The following FOXP1 variants were observed in gnomAD, a reference collection of about 807,000 sequenced individuals.
The protein encoded by FOXP1 is forkhead box P1, also known as forkhead box protein P1.
In FOXP1, 15 loss-of-function variants were observed where a neutral mutation model predicts 98.2. That is an observed-to-expected ratio of 0.15 (90% CI 0.10 to 0.24). FOXP1 has a LOEUF of 0.24. FOXP1 is among the 10% of genes least tolerant of loss of function. FOXP1 has a pLI of 1.00. For synonymous variants in FOXP1, 371 were observed against 314.5 expected (o/e 1.18, Z -1.90); for missense variants, 633 against 848.5 (o/e 0.75, Z 3.15).
chr3:71,031,368 T>A (rs1413807573), intron 11 of FOXP1, among the ~76,000 whole-genome samples: 1 of 152,204 alleles, frequency 6.6e-6, no homozygotes, highest in Admixed American at 6.5e-5. Flanking sequence ...AGTATAAATA[T>A]CATCAGCTAC....
chr3:71,225,273 C>T (rs2065743847), intron 5 of FOXP1, among the ~76,000 whole-genome samples: 1 of 152,190 alleles, frequency 6.6e-6, no homozygotes, highest in Admixed American at 6.5e-5. Context: ...TCAGAAGTGG[C>T]TCAATCTGAT....
Position 70,959,271 on chromosome 3 carries a change from T to G in FOXP1, c.2010A>C (p.Glu670Asp). 1 of 1,613,998 alleles carries G rather than the reference T, an allele frequency of 6.2e-7. No homozygotes were observed. Among genetic ancestry groups the G allele is most frequent in the Middle Eastern group, 1.6e-4 (1 of 6,062 alleles). ...DFDHDRDYED[E>D]PVNEDME ...GTCACTCCATGTCCTCGTTTACTGG[T>G]TCATCTTCGTAATCTCTGTCATGGT... Residue 670 changes from glutamate (E) to aspartate (D), a missense_variant, in exon 21 of 21, where the codon GAA becomes GAC. Physicochemically the swap from Glu to Asp is conservative, Grantham distance 45. This residue lies in a region of FOXP1 where 150 missense variants were observed against 163.7 expected (regional missense o/e 0.92). Coordinates refer to ENST00000649528, the MANE Select transcript of FOXP1 (RefSeq NM_001349338.3).
intron 7 of FOXP1, among the ~76,000 whole-genome samples, chr3:71,062,417 A>G (rs1312457731): frequency 6.6e-6 from 1 of 152,184 alleles, no homozygotes; most frequent in Non-Finnish European, 1.5e-5. Flanking sequence ...AAGTTCGCTA[A>G]TTTTGTTTTC....
intron 19 of FOXP1, among the ~76,000 whole-genome samples, chr3:70,967,704 T>TTGTTG (rs1412088271): frequency 6.9e-5 from 7 of 101,594 alleles, no homozygotes; most frequent in Non-Finnish European, 1.1e-4. Context: ...TTTTTTGTTT[T>TTGTTG]TTTTTGTTTT....
intron 5 of FOXP1, among the ~76,000 whole-genome samples, chr3:71,219,892 A>G (rs533698326): frequency 6.6e-6 from 1 of 151,330 alleles, no homozygotes; most frequent in East Asian, 2.0e-4. Context: ...TTTCCACCCT[A>G]TCTATCTACA....
intron 3 of FOXP1, among the ~76,000 whole-genome samples, chr3:71,416,808 C>T (rs531733124): frequency 6.6e-6 from 1 of 150,966 alleles, no homozygotes; most frequent in East Asian, 2.0e-4. Flanking sequence ...AAAAAGGGGG[C>T]GGGGGTGGTG....
intron 4 of FOXP1, chr3:71,332,614 A>AT (rs1191597582): frequency 1.3e-5 from 2 of 152,416 alleles, no homozygotes. Flanking sequence ...CGTGCCTGTA[A>AT]TTAATCACAG....
intron 3 of FOXP1, among the ~76,000 whole-genome samples, chr3:71,487,570 A>G (rs1411953558): frequency 6.6e-6 from 1 of 152,238 alleles, no homozygotes; most frequent in African/African-American, 2.4e-5. Flanking sequence ...ATCTACACTC[A>G]GTAAAGGAAA....
At chr3:71,029,682 C>T (rs774309953) in intron 11 of FOXP1, among the ~76,000 whole-genome samples, 8 of 152,150 alleles carry the variant, frequency 5.3e-5, no homozygotes, top group East Asian at 3.9e-4. Flanking sequence ...TCAGCCACCA[C>T]GCTGGGCCCA....
At chr3:71,345,693 A>G (rs1560343673) in intron 4 of FOXP1, among the ~76,000 whole-genome samples, 1 of 151,934 alleles carries the variant, frequency 6.6e-6, no homozygotes, top group Admixed American at 6.6e-5. Context: ...TTCCCAAGAA[A>G]AGCAAAGTTT....
chr3:70,976,718 G>A (rs2037627742), intron 17 of FOXP1, among the ~76,000 whole-genome samples: 1 of 152,176 alleles, frequency 6.6e-6, no homozygotes, highest in Non-Finnish European at 1.5e-5. Context: ...TTTACTGGCT[G>A]GCCCCTCCAC....
intron 3 of FOXP1, among the ~76,000 whole-genome samples, chr3:71,463,712 T>C (rs978802972): frequency 1.3e-5 from 2 of 152,090 alleles, no homozygotes; most frequent in African/African-American, 4.8e-5. Flanking sequence ...GCTACCAGGG[T>C]AACTATCATG....
At chr3:71,417,220 C>T (rs542409207) in intron 3 of FOXP1, among the ~76,000 whole-genome samples, 4 of 152,308 alleles carry the variant, frequency 2.6e-5, no homozygotes, top group South Asian at 2.1e-4. Context: ...TGAGCCCAGT[C>T]GTCCACACGA....
intron 3 of FOXP1, among the ~76,000 whole-genome samples, chr3:71,479,935 C>T (rs1296083925): frequency 4.6e-5 from 7 of 152,176 alleles, no homozygotes; most frequent in Non-Finnish European, 7.3e-5. Context: ...CGGTGGCTCA[C>T]GCCTGTAATC....
chr3:71,026,846 T>A (rs889416149), intron 11 of FOXP1, among the ~76,000 whole-genome samples: 2 of 152,168 alleles, frequency 1.3e-5, no homozygotes, highest in African/African-American at 4.8e-5. Flanking sequence ...GGCTGGTTGG[T>A]GTGCTTGGAT....
At chr3:71,539,299 T>C (rs1021423290) in intron 2 of FOXP1, among the ~76,000 whole-genome samples, 4 of 138,350 alleles carry the variant, frequency 2.9e-5, no homozygotes, top group African/African-American at 8.3e-5. Context: ...TTTTTTTGTA[T>C]GTTAGTAGAG....
intron 6 of FOXP1, among the ~76,000 whole-genome samples, chr3:71,132,643 T>C (rs554674746): frequency 2.6e-5 from 4 of 152,194 alleles, no homozygotes; most frequent in Non-Finnish European, 5.9e-5. Context: ...CAAAGCAAGA[T>C]CTTCTTTTGC....
At chr3:71,532,436 T>C (rs1299602177) in intron 2 of FOXP1, among the ~76,000 whole-genome samples, 1 of 152,102 alleles carries the variant, frequency 6.6e-6, no homozygotes, top group Non-Finnish European at 1.5e-5. Flanking sequence ...CACCCAAAAG[T>C]GGATGGTCCC....
At chr3:71,525,490 C>T (rs2043307577) in intron 2 of FOXP1, among the ~76,000 whole-genome samples, 1 of 152,092 alleles carries the variant, frequency 6.6e-6, no homozygotes, top group African/African-American at 2.4e-5. Flanking sequence ...GGATTTGTGG[C>T]CCTAGGAAGT....
Sources: allele counts gnomAD v4.1 joint callset (sites outside exome capture counted in the v4.1 genomes callset), GRCh38; gene constraint gnomAD v4.1.1; regional missense constraint gnomAD v4.1.1; transcripts MANE v1.5; gene names NCBI Gene and HGNC (gene_info 2026-07-23, HGNC 2026-07-21).